The following PSMD5 variants were observed in gnomAD, a reference collection of about 807,000 sequenced individuals.
The protein encoded by PSMD5 is 26S proteasome non-ATPase regulatory subunit 5.
Under a neutral mutation model 52.1 loss-of-function variants are expected in PSMD5, and 40 were observed. The ratio of observed to expected loss-of-function variants is 0.77; its 90% CI spans 0.60 to 1.00. The LOEUF (loss-of-function observed/expected upper bound fraction) is 1.00, where lower values mean the gene tolerates loss of function less well. Among genes scored for constraint, PSMD5 ranks in the 50% least tolerant of loss-of-function variants. The pLI, the probability that PSMD5 is intolerant of heterozygous loss-of-function variation, is 0.00. For synonymous variants in PSMD5, 211 were observed against 226.6 expected (o/e 0.93, Z 0.62); for missense variants, 575 against 605.2 (o/e 0.95, Z 0.52).
intron 4 of PSMD5, among the ~76,000 whole-genome samples, chr9:120,830,254 T>C (rs2045150630): frequency 6.6e-6 from 1 of 152,110 alleles, no homozygotes; most frequent in South Asian, 2.1e-4. Flanking sequence ...ATTAGGGGGA[T>C]AGGGTGGATA....
In PSMD5 at chr9:120,817,266, T is replaced by C. The variant is rs931211101; in HGVS notation, c.*640A>G. 1 of 152,000 alleles carries C rather than the reference T, an allele frequency of 6.6e-6. No individual in the cohort carries two copies. The highest frequency in any genetic ancestry group is 1.5e-5 in the Non-Finnish European group (1 of 67,994). The allele number at this position is 152,000 out of a possible 1,614,324, so 9.4% of individuals were successfully genotyped here. ...ATCCAGAAATAATTTGGTGGCAGGT[T>C]TTTATTTTATTCATTTATTTTTGAG... On this transcript the variant is annotated 3_prime_UTR_variant, in exon 10 of 10. Transcript: ENST00000210313.
At chr9:120,827,402 A>G (rs1412568190) in intron 5 of PSMD5, among the ~76,000 whole-genome samples, 2 of 152,302 alleles carry the variant, frequency 1.3e-5, no homozygotes, top group East Asian at 1.9e-4. Flanking sequence ...TACAAAACAC[A>G]TATGTTTCCT....
intron 8 of PSMD5, 30 bp from the exon 9 acceptor site, chr9:120,821,009 A>C (rs370017747): frequency 1.3e-6 from 2 of 1,554,292 alleles, no homozygotes; most frequent in African/African-American, 1.4e-5. Flanking sequence ...AATCTCATCA[A>C]AAGTTAACTG....
intron 1 of PSMD5, among the ~76,000 whole-genome samples, chr9:120,841,511 G>A (rs1037977785): frequency 1.3e-5 from 2 of 152,080 alleles, no homozygotes; most frequent in Admixed American, 6.6e-5. Flanking sequence ...TCAGGGAGGC[G>A]GAGGTTGCAG....
At chr9:120,842,677 T>C in intron 1 of PSMD5, 60 bp downstream of exon 1, 1 of 1,591,604 alleles carries the variant, frequency 6.3e-7, no homozygotes, top group Non-Finnish European at 8.6e-7. Context: ...CCTCAACCAC[T>C]CTCATGTCCA....
At chr9:120,841,691 G>A (rs2045239223) in intron 1 of PSMD5, 1 of 152,202 alleles carries the variant, frequency 6.6e-6, no homozygotes, top group Non-Finnish European at 1.5e-5. Context: ...GTGTTACAGA[G>A]TAATAGCGCA....
intron 9 of PSMD5, among the ~76,000 whole-genome samples, chr9:120,820,479 C>T (rs578095700): frequency 6.6e-6 from 1 of 152,104 alleles, no homozygotes; most frequent in East Asian, 1.9e-4. Context: ...GGTCCAGAGA[C>T]ACAAAACAAA....
chr9:120,841,305 C>A (rs1016562562), intron 1 of PSMD5, among the ~76,000 whole-genome samples: 3 of 152,044 alleles, frequency 2.0e-5, no homozygotes, highest in Non-Finnish European at 4.4e-5. Flanking sequence ...ATTGGCCGGG[C>A]GCAGTGGCTC....
intron 1 of PSMD5, among the ~76,000 whole-genome samples, chr9:120,836,208 T>C (rs2045197088): frequency 6.6e-6 from 1 of 152,216 alleles, no homozygotes; most frequent in Non-Finnish European, 1.5e-5. Flanking sequence ...ATCATATGTA[T>C]ATACCCCATT....
chr9:120,833,307 C>T lies in PSMD5; in HGVS notation c.318+5G>A. On this transcript the variant is annotated splice_donor_5th_base_variant and intron_variant, in intron 2 of 9. Transcript: ENST00000210313. Reference sequence around the variant, plus strand: ...TCAATGTCGGTTCCTAGTAGAATTTCATACCTGGGAAAGAGTGAGGATTTT... The same window carrying T: ...TCAATGTCGGTTCCTAGTAGAATTTTATACCTGGGAAAGAGTGAGGATTTT... The T allele has an allele frequency of 6.2e-7, 1 of 1,613,462 alleles. No individual in the cohort carries two copies. Among genetic ancestry groups the T allele is most frequent in the South Asian group, 1.1e-5 (1 of 91,008 alleles).
intron 1 of PSMD5, among the ~76,000 whole-genome samples, chr9:120,838,987 G>C (rs2131437940): frequency 6.6e-6 from 1 of 152,338 alleles, no homozygotes. Flanking sequence ...ATCATTAACA[G>C]AAATAACAAT....
chr9:120,818,093 T>A lies in PSMD5; in HGVS notation c.1328A>T (p.Asp443Val). Reference protein sequence around the residue: ...NSPGFVEYVVDRSVEHDKASK... With the variant: ...NSPGFVEYVVVRSVEHDKASK... ...AGCTTTGTCATGCTCCACAGACCGGTCCACCACATATTCTACAAAACCTGG... is the reference window on the plus strand; with the variant it reads ...AGCTTTGTCATGCTCCACAGACCGGACCACCACATATTCTACAAAACCTGG... The change falls in exon 10 of 10, where the codon GAC becomes GTC. Residue 443 changes from aspartate to valine, a missense_variant. Asp to Val is a radical substitution (Grantham distance 152, BLOSUM62 -3). Coordinates refer to ENST00000210313, the MANE Select transcript of PSMD5 (RefSeq NM_005047.4). The A allele has an allele frequency of 6.2e-7, 1 of 1,614,216 alleles. No individual in the cohort carries two copies. Among genetic ancestry groups the A allele is most frequent in the African/African-American group, 1.3e-5 (1 of 75,062 alleles).
Position 120,818,125 on chromosome 9 carries a change from AAAC to A in PSMD5, c.1293_1295del (p.Met431_Phe432delinsIle). The A allele has an allele frequency of 6.2e-7, 1 of 1,614,094 alleles. No homozygotes were observed. The highest frequency in any genetic ancestry group is 8.5e-7 in the Non-Finnish European group (1 of 1,179,950). On this transcript the variant is annotated inframe_deletion, in exon 10 of 10. Coordinates refer to ENST00000210313, the MANE Select transcript of PSMD5 (RefSeq NM_005047.4). Reference sequence around the variant, plus strand: ...CATATTCTACAAAACCTGGACTGTTAAACATAAGTTTCTGAGCCCAGGGTTGGT... The same window carrying A: ...CATATTCTACAAAACCTGGACTGTTAATAAGTTTCTGAGCCCAGGGTTGGT...
At chr9:120,832,759 T>C (rs879210996) in intron 2 of PSMD5, among the ~76,000 whole-genome samples, 2 of 152,216 alleles carry the variant, frequency 1.3e-5, no homozygotes, top group Admixed American at 1.3e-4. Context: ...TGAGTAACTG[T>C]TTAGCTCCTA....
rs745636958 is a variant in PSMD5 at position 120,820,953 on chromosome 9, CAGA to C, written c.1140_1142del (p.Leu381del). The C allele has an allele frequency of 8.1e-6, 13 of 1,597,994 alleles. 1 individual carries two copies. In the East Asian group the frequency reaches 2.5e-4, roughly 30 times the overall value. On this transcript the variant is annotated inframe_deletion, in exon 9 of 10. Coordinates refer to ENST00000210313, the MANE Select transcript of PSMD5 (RefSeq NM_005047.4). ...AAGAAAACCAGGATTCTGTCATCCT[CAGA>C]AGGTCATCAGTCTGCTGCTCAGGCT...
chr9:120,833,197 G>A, intron 2 of PSMD5, 115 bp downstream of exon 2: 5 of 1,220,798 alleles, frequency 4.1e-6, no homozygotes, highest in South Asian at 1.4e-5. Context: ...AGGAGAGGGG[G>A]AGAAGGAAGA....
At chr9:120,841,370 T>G (rs928033256) in intron 1 of PSMD5, among the ~76,000 whole-genome samples, 3 of 152,024 alleles carry the variant, frequency 2.0e-5, no homozygotes, top group East Asian at 2.0e-4. Flanking sequence ...ACGAGGTCCG[T>G]AGATCGAGAC....
chr9:120,824,736 A>G, intron 6 of PSMD5, 51 bp from the exon 7 acceptor site: 1 of 1,461,720 alleles, frequency 6.8e-7, no homozygotes, highest in Non-Finnish European at 9.3e-7. Context: ...GACAGCATGA[A>G]TTGCGGGCTC....
chr9:120,828,004 TA>T (rs1230937059), intron 5 of PSMD5, among the ~76,000 whole-genome samples: 1 of 152,232 alleles, frequency 6.6e-6, no homozygotes, highest in African/African-American at 2.4e-5. Context: ...AATATCTTTT[TA>T]TTTTTTTTGA....
Sources: allele counts gnomAD v4.1 joint callset (sites outside exome capture counted in the v4.1 genomes callset), GRCh38; gene constraint gnomAD v4.1.1; transcripts MANE v1.5; gene names NCBI Gene and HGNC (gene_info 2026-07-23, HGNC 2026-07-21).